Variants in RAP1A observed in about 807,000 individuals in gnomAD.
RAP1A encodes ras-related protein Rap-1A.
A neutral mutation model predicts 26.4 loss-of-function variants in RAP1A; 6 were observed. That is an observed-to-expected ratio of 0.23 (90% confidence interval 0.12 to 0.45). RAP1A has a LOEUF of 0.45. Ranked by LOEUF, RAP1A falls within the 20% of genes least tolerant of loss-of-function variation. The probability of loss-of-function intolerance (pLI) is 0.99; values close to 1 mark genes in which losing one functional copy is unlikely to be tolerated. For synonymous variants in RAP1A, 73 were observed against 79.4 expected (o/e 0.92, Z 0.43); for missense variants, 121 against 217.2 (o/e 0.56, Z 2.78).
chr1:111,703,608 A>G (rs1223000341), intron 5 of RAP1A, 132 bp downstream of exon 5: 22 of 868,700 alleles, frequency 2.5e-5, no homozygotes, highest in Non-Finnish European at 3.6e-5. Flanking sequence ...TGTGACCAAA[A>G]GAAAAAAATT....
rs757444285 is a variant in RAP1A at position 111,709,184 on chromosome 1, A to C, written c.504A>C (p.Lys168Asn). 1 of 1,613,812 alleles carries C rather than the reference A, an allele frequency of 6.2e-7. No individual in the cohort carries two copies. Among genetic ancestry groups the C allele is most frequent in the Non-Finnish European group, 8.5e-7 (1 of 1,179,888 alleles). The change falls in exon 7 of 8, where the codon AAA becomes AAC. Residue 168 changes from lysine (K) to asparagine (N), a missense_variant. By Grantham distance (94) the Lys-to-Asn change is moderately conservative. Transcript: ENST00000369709. ...ACCTGGTCAGACAGATAAATAGGAAAACACCAGTGGAAAAGAAGAAGCCTA... is the reference window on the plus strand; with the variant it reads ...ACCTGGTCAGACAGATAAATAGGAACACACCAGTGGAAAAGAAGAAGCCTA... Reference protein sequence around the residue: ...FYDLVRQINRKTPVEKKKPKK... With the variant: ...FYDLVRQINRNTPVEKKKPKK...
chr1:111,568,442 C>T (rs569117326), intron 1 of RAP1A, among the ~76,000 whole-genome samples: 1 of 152,280 alleles, frequency 6.6e-6, no homozygotes, highest in African/African-American at 2.4e-5. Context: ...AGAACTCACT[C>T]ATCACCAAGG....
chr1:111,589,504 A>T (rs1416041977), intron 1 of RAP1A, among the ~76,000 whole-genome samples: 1 of 152,174 alleles, frequency 6.6e-6, no homozygotes, highest in Admixed American at 6.5e-5. Context: ...AAGTTAAATT[A>T]AACTCCTAAA....
chr1:111,697,369 A>G, intron 3 of RAP1A, 72 bp from the exon 4 acceptor site: 7 of 1,603,702 alleles, frequency 4.4e-6, no homozygotes, highest in Non-Finnish European at 5.9e-6. Flanking sequence ...ACTTTGATGG[A>G]AGAGGTGGGA....
intron 1 of RAP1A, among the ~76,000 whole-genome samples, chr1:111,594,785 C>T (rs2101068389): frequency 6.6e-6 from 1 of 152,214 alleles, no homozygotes; most frequent in Admixed American, 6.5e-5. Flanking sequence ...AAAATCATCA[C>T]AAGGAAGCAT....
At chr1:111,648,904 C>G in intron 1 of RAP1A, 1 of 791,082 alleles carries the variant, frequency 1.3e-6, no homozygotes, top group Non-Finnish European at 2.2e-6. Context: ...GCAATCTGGG[C>G]TTGTAGGCCT....
chr1:111,550,943 C>G (rs1356877328), intron 1 of RAP1A, among the ~76,000 whole-genome samples: 1 of 149,556 alleles, frequency 6.7e-6, no homozygotes, highest in African/African-American at 2.4e-5. Flanking sequence ...ATTGTTATAT[C>G]TTCATAGTGG....
intron 1 of RAP1A, among the ~76,000 whole-genome samples, chr1:111,675,033 G>A (rs1326971228): frequency 6.6e-6 from 1 of 151,796 alleles, no homozygotes; most frequent in Non-Finnish European, 1.5e-5. Flanking sequence ...GACAAATGCC[G>A]AGCTATGTAG....
intron 1 of RAP1A, among the ~76,000 whole-genome samples, chr1:111,657,799 T>C (rs1346251789): frequency 6.6e-6 from 1 of 152,226 alleles, no homozygotes; most frequent in African/African-American, 2.4e-5. Flanking sequence ...TCTTATTTTA[T>C]AAATTTTAAT....
Position 111,643,050 on chromosome 1 carries a change from G to A in RAP1A, c.-28+23116G>A, listed in dbSNP as rs577517973. The stretch of plus-strand genomic sequence containing the variant: ...CTCCCAAAGTGCTGGGATTACAGGC[G>A]TGAGCCACTGCGCCCGGCCAGCTAA... On this transcript the variant is annotated intron_variant, in intron 1 of 7. Coordinates refer to ENST00000369709, the MANE Select transcript of RAP1A (RefSeq NM_002884.4). 2.1e-4 allele frequency among the ~76,000 whole-genome samples: 32 copies of A among 152,262 alleles called. No individual in the cohort carries two copies. The South Asian group carries it at 5.2e-3, about 25-fold the overall frequency.
intron 1 of RAP1A, among the ~76,000 whole-genome samples, chr1:111,622,244 A>G (rs72695271): frequency 0.014 from 2,133 of 152,306 alleles, 29 homozygotes; most frequent in Non-Finnish European, 0.018. Flanking sequence ...CTTCTATTCA[A>G]AACCCTCCAG....
At chr1:111,623,009 G>T (rs113880998) in intron 1 of RAP1A, among the ~76,000 whole-genome samples, 1 of 152,102 alleles carries the variant, frequency 6.6e-6, no homozygotes, top group African/African-American at 2.4e-5. Context: ...CTTACAAAGG[G>T]ATATGTTTAA....
At chr1:111,655,575 G>A (rs2101145616) in intron 1 of RAP1A, among the ~76,000 whole-genome samples, 1 of 151,264 alleles carries the variant, frequency 6.6e-6, no homozygotes, top group East Asian at 1.9e-4. Flanking sequence ...TAGGGATATG[G>A]TGAAATGGGA....
At chr1:111,545,441 G>A (rs528985071) in intron 1 of RAP1A, among the ~76,000 whole-genome samples, 15 of 152,020 alleles carry the variant, frequency 9.9e-5, no homozygotes, top group Admixed American at 4.6e-4. Flanking sequence ...ATATCTGTTC[G>A]AGTCCTTTGC....
At chr1:111,557,166 C>T (rs1205884515) in intron 1 of RAP1A, among the ~76,000 whole-genome samples, 1 of 152,132 alleles carries the variant, frequency 6.6e-6, no homozygotes, top group Non-Finnish European at 1.5e-5. Context: ...GATTTTTCAA[C>T]ACCACAGTGG....
intron 6 of RAP1A, among the ~76,000 whole-genome samples, chr1:111,705,365 T>G (rs1662156568): frequency 6.6e-6 from 1 of 152,232 alleles, no homozygotes; most frequent in Non-Finnish European, 1.5e-5. Context: ...ATGAGTCCTC[T>G]GTTTTTGCTA....
chr1:111,678,828 T>C (rs1167616322), intron 1 of RAP1A, among the ~76,000 whole-genome samples: 1 of 152,092 alleles, frequency 6.6e-6, no homozygotes, highest in Non-Finnish European at 1.5e-5. Flanking sequence ...TCTGGTAGCA[T>C]TTTTGTATAT....
At chr1:111,596,377 G>A (rs1277770316) in intron 1 of RAP1A, among the ~76,000 whole-genome samples, 1 of 152,146 alleles carries the variant, frequency 6.6e-6, no homozygotes, top group Non-Finnish European at 1.5e-5. Context: ...GCCAATCCTT[G>A]GGACATAGTA....
At chr1:111,625,815 T>C (rs1423401123) in intron 1 of RAP1A, among the ~76,000 whole-genome samples, 2 of 152,198 alleles carry the variant, frequency 1.3e-5, no homozygotes, top group African/African-American at 4.8e-5. Flanking sequence ...TTCCCTTTTC[T>C]TCCTTTTTCT....
Sources: allele counts gnomAD v4.1 joint callset (sites outside exome capture counted in the v4.1 genomes callset), GRCh38; gene constraint gnomAD v4.1.1; transcripts MANE v1.5; gene names NCBI Gene and HGNC (gene_info 2026-07-23, HGNC 2026-07-21).